The following TNIK variants were observed in gnomAD, a reference collection of about 807,000 sequenced individuals.
TNIK encodes the protein TRAF2 and NCK-interacting protein kinase.
A neutral mutation model predicts 191.3 loss-of-function variants in TNIK; 49 were observed. The observed-to-expected ratio is 0.26, with a 90% CI of 0.20 to 0.32. TNIK has a LOEUF of 0.32. TNIK is among the 10% of genes least tolerant of loss of function. TNIK has a pLI of 1.00. For missense variants in TNIK, 1,155 were observed against 1,702.3 expected (o/e 0.68, Z 5.66); for synonymous variants, 594 against 600.9 (o/e 0.99, Z 0.17).
At position 171,077,706 on chromosome 3, in the gene TNIK, T is replaced by G. The variant is rs575813221; in HGVS notation, c.3448+1812A>C. On this transcript the variant is annotated intron_variant, in intron 28 of 32. Transcript: ENST00000436636. ...GCTCTCTTGGGTCTGAATGAGCTTG[T>G]TGACTGAAAATCTTGAGACTTTTCA... Among the ~76,000 whole-genome samples the G allele has an allele frequency of 5.3e-5, 8 of 152,162 alleles. No homozygotes were observed. In the East Asian group the frequency reaches 1.4e-3, roughly 26 times the overall value.
intron 1 of TNIK, among the ~76,000 whole-genome samples, chr3:171,448,276 G>A (rs190883955): frequency 5.2e-4 from 79 of 152,134 alleles, no homozygotes; most frequent in African/African-American, 1.7e-3. Context: ...AATTTGGGAC[G>A]TTAGCAGTCA....
chr3:171,085,002 G>C, intron 25 of TNIK, 116 bp downstream of exon 25: 2 of 685,886 alleles, frequency 2.9e-6, no homozygotes, highest in Non-Finnish European at 4.6e-6. Flanking sequence ...TTCCTTTTAA[G>C]ATAGGACCTA....
At chr3:171,382,303 C>G (rs963852169) in intron 1 of TNIK, among the ~76,000 whole-genome samples, 3 of 146,412 alleles carry the variant, frequency 2.0e-5, no homozygotes, top group Non-Finnish European at 4.5e-5. Context: ...TCACTGCAAC[C>G]TCCGTCTCCC....
At chr3:171,201,138 G>T (rs574785157) in intron 4 of TNIK, among the ~76,000 whole-genome samples, 2 of 152,252 alleles carry the variant, frequency 1.3e-5, no homozygotes, top group African/African-American at 4.8e-5. Flanking sequence ...AGTGGCTTAC[G>T]CCTGTAATCC....
chr3:171,132,243 A>G (rs1729410111), intron 15 of TNIK, among the ~76,000 whole-genome samples: 1 of 152,256 alleles, frequency 6.6e-6, no homozygotes, highest in African/African-American at 2.4e-5. Flanking sequence ...ATTATCAGAA[A>G]TACAGAGAAG....
chr3:171,113,990 G>C (rs1205327744), intron 18 of TNIK, among the ~76,000 whole-genome samples: 1 of 75,612 alleles, frequency 1.3e-5, no homozygotes, highest in Admixed American at 1.6e-4. Context: ...AGGATTTTAC[G>C]ATTTTGTTAA....
chr3:171,426,110 G>A (rs1724532554), intron 1 of TNIK, among the ~76,000 whole-genome samples: 1 of 152,034 alleles, frequency 6.6e-6, no homozygotes, highest in South Asian at 2.1e-4. Context: ...GCACACATAT[G>A]TTTACTGCAG....
At chr3:171,145,000 G>A (rs756627095) in intron 12 of TNIK, among the ~76,000 whole-genome samples, 9 of 151,734 alleles carry the variant, frequency 5.9e-5, no homozygotes, top group Non-Finnish European at 1.0e-4. Flanking sequence ...CTTTATTCAC[G>A]CATCCACTGA....
intron 11 of TNIK, 115 bp from the exon 12 acceptor site, chr3:171,157,779 G>A: frequency 9.4e-7 from 1 of 1,068,168 alleles, no homozygotes; most frequent in Admixed American, 2.4e-5. Context: ...GGAAAGAAGA[G>A]CACAGGCTCC....
At chr3:171,205,126 AG>A (rs1412468337) in intron 4 of TNIK, among the ~76,000 whole-genome samples, 1 of 152,336 alleles carries the variant, frequency 6.6e-6, no homozygotes, top group East Asian at 1.9e-4. Context: ...AGTGAGTCAG[AG>A]GCCTTGGAAT....
In TNIK at chr3:171,254,211, T is replaced by A. The variant is rs79905152; in HGVS notation, c.124-25990A>T. ...TATATTGATCTTAATGTAGCGTGTC[T>A]ATTACTAAAGACATTTTACAGAATA... On this transcript the variant is annotated intron_variant, in intron 2 of 32. Coordinates refer to ENST00000436636, the MANE Select transcript of TNIK (RefSeq NM_015028.4). Among the ~76,000 whole-genome samples the A allele has an allele frequency of 8.0e-3, 1,224 of 152,328 alleles. 16 individuals are homozygous for A. The highest frequency in any genetic ancestry group is 0.028 in the African/African-American group (1,166 of 41,566).
Position 171,175,328 on chromosome 3 carries a change from G to A in TNIK, c.697C>T (p.Leu233Phe). The A allele has an allele frequency of 1.2e-6, 2 of 1,607,992 alleles. No homozygotes were observed. The highest frequency in any genetic ancestry group is 1.7e-6 in the Non-Finnish European group (2 of 1,177,614). The change falls in exon 9 of 33, where the codon CTC becomes TTC. Residue 233 changes from leucine to phenylalanine, a missense_variant and splice_region_variant. Leu to Phe is a conservative substitution (Grantham distance 22). This residue lies in a region of TNIK where 225 missense variants were observed against 438.9 expected (regional missense o/e 0.51). Coordinates refer to ENST00000436636, the MANE Select transcript of TNIK (RefSeq NM_015028.4). ...GCTCTCATGGGGTGCATGTCACAGA[G>A]AGCTGCAAGAGACCAAAACAAGGGC... The part of the protein sequence containing the change: ...AIEMAEGAPP[L>F]CDMHPMRALF...
At chr3:171,343,656 G>C (rs1250432745) in intron 2 of TNIK, among the ~76,000 whole-genome samples, 1 of 152,200 alleles carries the variant, frequency 6.6e-6, no homozygotes, top group African/African-American at 2.4e-5. Flanking sequence ...TAAGCCTGCT[G>C]CATGGTTTCC....
At chr3:171,344,030 G>C (rs1007649394) in intron 2 of TNIK, among the ~76,000 whole-genome samples, 1 of 152,104 alleles carries the variant, frequency 6.6e-6, no homozygotes, top group African/African-American at 2.4e-5. Flanking sequence ...GCTCAACTTA[G>C]TTCTTAAATT....
chr3:171,171,579 T>C (rs1320248446), intron 9 of TNIK, among the ~76,000 whole-genome samples: 1 of 152,190 alleles, frequency 6.6e-6, no homozygotes, highest in African/African-American at 2.4e-5. Flanking sequence ...GAGTGCTGCT[T>C]TGCCTGTGTG....
intron 2 of TNIK, among the ~76,000 whole-genome samples, chr3:171,293,244 C>A (rs935312860): frequency 6.6e-6 from 1 of 152,122 alleles, no homozygotes; most frequent in African/African-American, 2.4e-5. Context: ...AAATGATGAA[C>A]TATAGGTTGG....
intron 12 of TNIK, among the ~76,000 whole-genome samples, chr3:171,147,422 A>C (rs1162058703): frequency 6.6e-6 from 1 of 152,184 alleles, no homozygotes; most frequent in East Asian, 1.9e-4. Context: ...GCTTCTGGGC[A>C]TTCCATTTTC....
At position 171,439,119 on chromosome 3, in the gene TNIK, C is replaced by T. The variant is rs1000367727; in HGVS notation, c.57+20888G>A. On this transcript the variant is annotated intron_variant, in intron 1 of 32. Transcript: ENST00000436636. Reference sequence around the variant, plus strand: ...CAGCACTTTGGGAGGCCGAGGCAGGCGGATCACAAGGTCAGGAGATCGAAA... The same window carrying T: ...CAGCACTTTGGGAGGCCGAGGCAGGTGGATCACAAGGTCAGGAGATCGAAA... Among the ~76,000 whole-genome samples, 12 of 152,128 alleles carry T rather than the reference C, an allele frequency of 7.9e-5. No homozygotes were observed. The East Asian group carries it at 9.7e-4, about 12-fold the overall frequency.
chr3:171,167,061 G>T (rs1306178170), intron 10 of TNIK, 34 bp downstream of exon 10: 2 of 1,596,014 alleles, frequency 1.3e-6, no homozygotes, highest in African/African-American at 2.7e-5. Context: ...TCCATCTTTT[G>T]TTTCTGCTGC....
Sources: gnomAD v4.1 joint callset for allele counts (sites outside exome capture counted in the v4.1 genomes callset) on GRCh38, gnomAD v4.1.1 for gene constraint, gnomAD v4.1.1 regional missense constraint, MANE v1.5 for transcripts, NCBI Gene and HGNC (gene_info 2026-07-23, HGNC 2026-07-21) for gene names.